Variants in CTNNA2 observed in about 807,000 individuals in gnomAD.
CTNNA2 encodes the protein catenin alpha 2, also known as catenin alpha-2.
CTNNA2 carries 42 observed loss-of-function variants against 101.0 expected under a neutral mutation model. That is an observed-to-expected ratio of 0.42 (90% CI 0.32 to 0.54). The LOEUF is 0.54. Among genes scored for constraint, CTNNA2 ranks in the 20% least tolerant of loss-of-function variants. The probability of loss-of-function intolerance (pLI) is 0.14; values close to 1 mark genes in which losing one functional copy is unlikely to be tolerated. For missense variants in CTNNA2, 871 were observed against 1,223.1 expected (o/e 0.71, Z 4.29); for synonymous variants, 450 against 456.4 (o/e 0.99, Z 0.18).
At chr2:79,253,602 A>G (rs187148274) in intron 2 of CTNNA2, among the ~76,000 whole-genome samples, 16 of 152,186 alleles carry the variant, frequency 1.1e-4, no homozygotes, top group Admixed American at 2.0e-4. Flanking sequence ...CTGATAATGG[A>G]CATTGGTTGC....
At chr2:79,211,270 C>T (rs181640135) in intron 2 of CTNNA2, among the ~76,000 whole-genome samples, 218 of 152,276 alleles carry the variant, frequency 1.4e-3, no homozygotes, top group African/African-American at 4.9e-3. Flanking sequence ...CACTGTACAA[C>T]TGAGAGCTGA....
At position 80,555,126 on chromosome 2, in the gene CTNNA2, C is replaced by A. The variant is rs1692911352; in HGVS notation, c.1541-567C>A. On this transcript the variant is annotated intron_variant, in intron 11 of 18. Coordinates refer to ENST00000402739, the MANE Select transcript of CTNNA2 (RefSeq NM_001282597.3). The stretch of plus-strand genomic sequence containing the variant: ...GTTTTCCCATTGCATATACCGTGTG[C>A]ATGACATAATTTTAAAAGACCAACT... Among the ~76,000 whole-genome samples the A allele has an allele frequency of 2.0e-5, 3 of 148,622 alleles. No individual in the cohort carries two copies. The South Asian group carries it at 6.6e-4, about 32-fold the overall frequency.
chr2:79,788,750 T>G (rs1418445356), intron 3 of CTNNA2, among the ~76,000 whole-genome samples: 2 of 152,190 alleles, frequency 1.3e-5, no homozygotes, highest in African/African-American at 4.8e-5. Flanking sequence ...TCATCAAAAC[T>G]TCCAGGTATC....
At chr2:80,112,322 A>T (rs1433823434) in intron 7 of CTNNA2, among the ~76,000 whole-genome samples, 3 of 152,200 alleles carry the variant, frequency 2.0e-5, no homozygotes, top group Non-Finnish European at 4.4e-5. Flanking sequence ...TTAGAACACA[A>T]ATACTCTCAT....
At chr2:80,162,785 C>T in intron 7 of CTNNA2, 2 of 1,589,092 alleles carry the variant, frequency 1.3e-6, no homozygotes, top group Non-Finnish European at 1.7e-6. Context: ...CACCATATGA[C>T]ATTTGTCTCA....
At chr2:80,009,872 A>C (rs1013602723) in intron 7 of CTNNA2, among the ~76,000 whole-genome samples, 48 of 152,090 alleles carry the variant, frequency 3.2e-4, no homozygotes, top group African/African-American at 1.1e-3. Flanking sequence ...TTTATAAAAG[A>C]GATTATTTAT....
intron 7 of CTNNA2, among the ~76,000 whole-genome samples, chr2:80,010,163 C>T (rs1693672732): frequency 6.6e-6 from 1 of 152,162 alleles, no homozygotes; most frequent in African/African-American, 2.4e-5. Context: ...ATATTTCTCA[C>T]CCTTCTCACA....
In CTNNA2 at chr2:80,606,414, C is replaced by CACACCCA. The variant is rs1558638318; in HGVS notation, c.2296-1770_2296-1769insACACCCA. 1.6e-3 allele frequency among the ~76,000 whole-genome samples: 84 copies of CACACCCA among 51,628 alleles called. No homozygotes were observed. In the Middle Eastern group the frequency reaches 0.031, roughly 19 times the overall value. The allele number at this position is 51,628 out of a possible 152,430, so 33.9% of individuals were successfully genotyped here. On this transcript the variant is annotated intron_variant, in intron 16 of 18. Coordinates refer to ENST00000402739, the MANE Select transcript of CTNNA2 (RefSeq NM_001282597.3). Reference sequence around the variant, plus strand: ...CACACACACACACACACACACACACCCCCCAGGATACATTTATTTTGAGAT... The same window carrying CACACCCA: ...CACACACACACACACACACACACACCACACCCACCCCAGGATACATTTATTTTGAGAT...
Position 80,303,450 on chromosome 2 carries a change from G to C in CTNNA2, c.1057-89761G>C, listed in dbSNP as rs764389942. 3 of 1,614,220 alleles carry C rather than the reference G, an allele frequency of 1.9e-6. No homozygotes were observed. The highest frequency in any genetic ancestry group is 2.2e-5 in the South Asian group (2 of 91,088). On this transcript the variant is annotated intron_variant, in intron 7 of 18. Coordinates refer to ENST00000402739, the MANE Select transcript of CTNNA2 (RefSeq NM_001282597.3). This position sits in a 1 kb window ranked among gnomAD's most constrained non-coding sequence, Gnocchi z 7.7. The stretch of plus-strand genomic sequence containing the variant: ...GTGGTGTTGGGCAGTTGGGTGATCT[G>C]GTTGGAACTCAGCGTGAGTTCCTTA...
chr2:79,921,578 C>T (rs950719281), intron 7 of CTNNA2, among the ~76,000 whole-genome samples: 8 of 152,180 alleles, frequency 5.3e-5, no homozygotes, highest in East Asian at 1.9e-4. Flanking sequence ...TCATCCTACT[C>T]ATCTACTTTT....
At chr2:80,181,852 C>T (rs546410240) in intron 7 of CTNNA2, among the ~76,000 whole-genome samples, 2 of 152,148 alleles carry the variant, frequency 1.3e-5, no homozygotes, top group African/African-American at 4.8e-5. Context: ...TCAGTGTTCT[C>T]CATGCTATTA....
intron 3 of CTNNA2, among the ~76,000 whole-genome samples, chr2:79,762,617 G>A (rs1469009061): frequency 6.6e-6 from 1 of 152,004 alleles, no homozygotes; most frequent in African/African-American, 2.4e-5. Context: ...TACTTCTTCT[G>A]GTATTCAGGC....
intron 7 of CTNNA2, among the ~76,000 whole-genome samples, chr2:80,289,425 T>G (rs1189733313): frequency 6.6e-6 from 1 of 152,154 alleles, no homozygotes; most frequent in African/African-American, 2.4e-5. Flanking sequence ...AGAGATAATT[T>G]TTATATTACT....
At chr2:79,754,710 T>C (rs915852982) in intron 3 of CTNNA2, among the ~76,000 whole-genome samples, 1 of 152,162 alleles carries the variant, frequency 6.6e-6, no homozygotes, top group Admixed American at 6.5e-5. Context: ...CCTAGGATAT[T>C]GGGCTTCCTT....
intron 15 of CTNNA2, chr2:80,603,421 A>G (rs970290581): frequency 2.6e-5 from 4 of 152,088 alleles, no homozygotes; most frequent in African/African-American, 9.7e-5. Flanking sequence ...ACGTTCTTTC[A>G]TAAATCAGTA....
intron 2 of CTNNA2, among the ~76,000 whole-genome samples, chr2:79,216,505 G>A (rs1034677983): frequency 1.1e-4 from 17 of 151,824 alleles, no homozygotes; most frequent in African/African-American, 4.1e-4. Context: ...AGGGATCGGG[G>A]CACAGAGATA....
intron 6 of CTNNA2, among the ~76,000 whole-genome samples, chr2:79,877,132 T>C (rs12615101): frequency 0.15 from 22,754 of 151,888 alleles, 2,470 homozygotes; most frequent in African/African-American, 0.28. Flanking sequence ...AATATATTCT[T>C]ATTAAATGTA....
intron 1 of CTNNA2, among the ~76,000 whole-genome samples, chr2:79,515,134 C>A (rs548842379): frequency 6.6e-6 from 1 of 152,286 alleles, no homozygotes; most frequent in South Asian, 2.1e-4. Flanking sequence ...GCTTGGCTGA[C>A]TCTTCAGCCA....
At chr2:80,230,436 G>A (rs2149072706) in intron 7 of CTNNA2, among the ~76,000 whole-genome samples, 1 of 152,004 alleles carries the variant, frequency 6.6e-6, no homozygotes, top group African/African-American at 2.4e-5. Flanking sequence ...AATCAACATT[G>A]TGGGTGTTTT....
Sources: gnomAD v4.1 joint callset for allele counts (sites outside exome capture counted in the v4.1 genomes callset) on GRCh38, gnomAD v4.1.1 for gene constraint, Gnocchi (gnomAD v3.1) non-coding constraint, MANE v1.5 for transcripts, NCBI Gene and HGNC (gene_info 2026-07-23, HGNC 2026-07-21) for gene names.